Variants in DCLK1 observed in about 807,000 individuals in gnomAD.
DCLK1 encodes the protein serine/threonine-protein kinase DCLK1.
A neutral mutation model predicts 86.2 loss-of-function variants in DCLK1; 16 were observed. That is an observed-to-expected ratio of 0.19 (90% CI 0.13 to 0.28). The LOEUF is 0.28. Among genes scored for constraint, DCLK1 ranks in the 10% least tolerant of loss-of-function variants. The pLI, the probability that DCLK1 is intolerant of heterozygous loss-of-function variation, is 1.00. For synonymous variants in DCLK1, 369 were observed against 370.5 expected (o/e 1.00, Z 0.05); for missense variants, 590 against 940.2 (o/e 0.63, Z 4.87).
chr13:35,899,541 T>G, intron 4 of DCLK1, among the ~76,000 whole-genome samples: 1 of 152,186 alleles, frequency 6.6e-6, no homozygotes, highest in East Asian at 1.9e-4. Flanking sequence ...GAAAGAATAC[T>G]AATCATGGTA....
intron 3 of DCLK1, among the ~76,000 whole-genome samples, chr13:36,097,335 T>G (rs2138151878): frequency 6.6e-6 from 1 of 152,336 alleles, no homozygotes; most frequent in African/African-American, 2.4e-5. Flanking sequence ...AATCATTAAA[T>G]AATATACTTA....
intron 4 of DCLK1, among the ~76,000 whole-genome samples, chr13:35,907,533 G>A (rs1241452684): frequency 6.6e-6 from 1 of 152,142 alleles, no homozygotes. Flanking sequence ...CTCAGTCTGT[G>A]TGTATGCCCC....
At chr13:35,846,988 T>C in intron 6 of DCLK1, 1 of 985,256 alleles carries the variant, frequency 1.0e-6, no homozygotes, top group Non-Finnish European at 1.2e-6. Context: ...CTATTTATGT[T>C]CCAACATTAT....
At chr13:36,095,944 C>T (rs1035977980) in intron 3 of DCLK1, among the ~76,000 whole-genome samples, 2 of 152,000 alleles carry the variant, frequency 1.3e-5, no homozygotes, top group Non-Finnish European at 2.9e-5. Context: ...TTACAATAAA[C>T]CATATAATAA....
At chr13:35,871,943 G>A (rs907710358) in intron 4 of DCLK1, among the ~76,000 whole-genome samples, 40 of 152,368 alleles carry the variant, frequency 2.6e-4, no homozygotes, top group Non-Finnish European at 4.1e-4. Context: ...AGCTGCCACA[G>A]ATTTTATACT....
At chr13:36,030,919 G>C (rs1046181640) in intron 3 of DCLK1, among the ~76,000 whole-genome samples, 2 of 152,074 alleles carry the variant, frequency 1.3e-5, no homozygotes, top group Non-Finnish European at 2.9e-5. Context: ...TGTTATTTCA[G>C]ACCTCTGCGT....
At chr13:35,812,423 C>A (rs963298864) in intron 11 of DCLK1, among the ~76,000 whole-genome samples, 2 of 152,308 alleles carry the variant, frequency 1.3e-5, no homozygotes, top group Non-Finnish European at 2.9e-5. Context: ...ACTCTGTGAT[C>A]ATCTGTTACT....
At chr13:35,900,598 C>T (rs1275033228) in intron 4 of DCLK1, among the ~76,000 whole-genome samples, 1 of 152,162 alleles carries the variant, frequency 6.6e-6, no homozygotes, top group South Asian at 2.1e-4. Flanking sequence ...GAGCATTGCG[C>T]AAGCTTACAC....
Position 36,112,094 on chromosome 13 carries a change from C to A in DCLK1, c.498G>T (p.Leu166=), listed in dbSNP as rs1480807654. The change falls in exon 3 of 17, where the codon CTG becomes CTT. Residue 166 remains leucine, a synonymous_variant. Coordinates refer to ENST00000360631, the MANE Select transcript of DCLK1 (RefSeq NM_001330071.2). Reference sequence around the variant, plus strand: ...CTGAAGGGCTTCCTTTGGCAGTGGCCAGTGAAGACACTGCCCGAGAAGCCG... The same window carrying A: ...CTGAAGGGCTTCCTTTGGCAGTGGCAAGTGAAGACACTGCCCGAGAAGCCG... ...TTSASRAVSS[L]ATAKGSPSEV... is the part of the protein sequence containing the mutation. 1 of 1,614,138 alleles carries A rather than the reference C, an allele frequency of 6.2e-7. No homozygotes were observed. Among genetic ancestry groups the A allele is most frequent in the Non-Finnish European group, 8.5e-7 (1 of 1,180,014 alleles).
chr13:35,873,743 A>T (rs1872435095), intron 4 of DCLK1, among the ~76,000 whole-genome samples: 1 of 152,150 alleles, frequency 6.6e-6, no homozygotes, highest in Non-Finnish European at 1.5e-5. Context: ...CACTGAGGTT[A>T]GGTATTACAT....
At chr13:36,022,344 C>T (rs988728260) in intron 3 of DCLK1, among the ~76,000 whole-genome samples, 2 of 151,964 alleles carry the variant, frequency 1.3e-5, no homozygotes, top group East Asian at 3.9e-4. Flanking sequence ...TCTAACTTTC[C>T]ACTTAAGGAA....
rs1566600389 is a variant in DCLK1, at chr13:35,914,377, A to ATATATATATATG, written c.823+32980_823+32981insCATATATATATA. ...TATATATATATATATATGTATATATATATATATATATATAAGCAAAATTAT... is the reference window on the plus strand; with the variant it reads ...TATATATATATATATATGTATATATATATATATATATGTATATATATATATAAGCAAAATTAT... On this transcript the variant is annotated intron_variant, in intron 4 of 16. Coordinates refer to ENST00000360631, the MANE Select transcript of DCLK1 (RefSeq NM_001330071.2). Among the ~76,000 whole-genome samples the ATATATATATATG allele has an allele frequency of 2.9e-3, 324 of 111,308 alleles. 8 individuals are homozygous for ATATATATATATG. The highest frequency in any genetic ancestry group is 5.8e-3 in the African/African-American group (157 of 27,210). 73.0% of individuals were successfully genotyped at this position (111,308 alleles called of 152,430 possible). A position where few individuals can be genotyped will look rare whatever the true frequency, so the allele number is the denominator to read the frequency against.
chr13:35,895,376 A>C (rs1322492798), intron 4 of DCLK1, among the ~76,000 whole-genome samples: 1 of 152,148 alleles, frequency 6.6e-6, no homozygotes, highest in African/African-American at 2.4e-5. Context: ...ATACCTTTAG[A>C]AATATGAACA....
intron 4 of DCLK1, among the ~76,000 whole-genome samples, chr13:35,926,590 T>C (rs1876132866): frequency 6.6e-6 from 1 of 152,242 alleles, no homozygotes; most frequent in Non-Finnish European, 1.5e-5. Context: ...TAAATGTTTG[T>C]TAAATAGTTC....
intron 3 of DCLK1, among the ~76,000 whole-genome samples, chr13:36,011,899 ATC>A (rs1460238238): frequency 6.7e-6 from 1 of 149,866 alleles, no homozygotes; most frequent in Non-Finnish European, 1.5e-5. Context: ...TGCTTTATGA[ATC>A]TGGGTGCTCC....
chr13:35,826,550 A>AGGAGGGAGGGAGGGAGG (rs1351890514), intron 10 of DCLK1, among the ~76,000 whole-genome samples: 1 of 28,692 alleles, frequency 3.5e-5, no homozygotes, highest in African/African-American at 6.5e-5. Flanking sequence ...AAAGAAAGAA[A>AGGAGGGAGGGAGGGAGG]GAAAGAAAGA....
chr13:35,810,945 G>C lies in DCLK1; in HGVS notation c.1578C>G (p.Ser526Arg). 6.2e-7 allele frequency: 1 copy of C among 1,614,004 alleles called. No individual in the cohort carries two copies. Among genetic ancestry groups the C allele is most frequent in the Non-Finnish European group, 8.5e-7 (1 of 1,179,946 alleles). The part of the protein sequence containing the change: ...NLLVYEHQDG[S>R]KSLKLGDFGL... ...CAAAGTCACCCAGCTTCAGTGATTTGCTGCCATCTTGGTGCTCATACACCT... is the reference window on the plus strand; with the variant it reads ...CAAAGTCACCCAGCTTCAGTGATTTCCTGCCATCTTGGTGCTCATACACCT... The change falls in exon 12 of 17, where the codon AGC becomes AGG. Residue 526 changes from serine (S) to arginine (R), a missense_variant. This residue lies in a region of DCLK1 where 108 missense variants were observed against 195.7 expected (regional missense o/e 0.55). Coordinates refer to ENST00000360631, the MANE Select transcript of DCLK1 (RefSeq NM_001330071.2).
At chr13:35,872,174 AT>A (rs1872320654) in intron 4 of DCLK1, among the ~76,000 whole-genome samples, 1 of 146,380 alleles carries the variant, frequency 6.8e-6, no homozygotes, top group African/African-American at 2.8e-5. Context: ...ACAAAAAAAT[AT>A]ATGCTTGTAA....
At chr13:35,906,638 T>A (rs1874704719) in intron 4 of DCLK1, among the ~76,000 whole-genome samples, 1 of 152,058 alleles carries the variant, frequency 6.6e-6, no homozygotes, top group Admixed American at 6.6e-5. Flanking sequence ...GGGGAAGAAG[T>A]TACAGATAAA....
Sources: allele counts gnomAD v4.1 joint callset (sites outside exome capture counted in the v4.1 genomes callset), GRCh38; gene constraint gnomAD v4.1.1; regional missense constraint gnomAD v4.1.1; transcripts MANE v1.5; gene names NCBI Gene and HGNC (gene_info 2026-07-23, HGNC 2026-07-21).